The following CEP131 variants were observed in gnomAD, a reference collection of about 807,000 sequenced individuals.
CEP131 encodes centrosomal protein 131, also known as centrosomal protein of 131 kDa.
In CEP131, 99 loss-of-function variants were observed where a neutral mutation model predicts 136.8. The ratio of observed to expected loss-of-function variants is 0.72; its 90% CI spans 0.62 to 0.86. The LOEUF (loss-of-function observed/expected upper bound fraction) is 0.86. Among genes scored for constraint, CEP131 ranks in the 40% least tolerant of loss-of-function variants. The pLI is 0.00. For synonymous variants in CEP131, 646 were observed against 612.7 expected (o/e 1.05, Z -0.80); for missense variants, 1,459 against 1,463.0 (o/e 1.00, Z 0.04).
chr17:81,215,096 T>TTAATTA lies in CEP131; in HGVS notation c.177+4783_177+4784insTAATTA, dbSNP rs2062217636. ...CTGGCCAAAAATTTACAATTTAGTT[T>TTAATTA]TAATTTTAATTTTAAAAGATAGAGT... On this transcript the variant is annotated intron_variant, in intron 2 of 25. Coordinates refer to ENST00000450824, the MANE Select transcript of CEP131 (RefSeq NM_014984.4). The surrounding 1 kb of genome is among the most constrained non-coding windows in gnomAD (Gnocchi z 4.1). Among the ~76,000 whole-genome samples, 1 of 151,192 alleles carries TTAATTA rather than the reference T, an allele frequency of 6.6e-6. No homozygotes were observed. Among genetic ancestry groups the TTAATTA allele is most frequent in the Admixed American group, 6.6e-5 (1 of 15,134 alleles).
chr17:81,216,988 C>A (rs1413725580), intron 2 of CEP131, among the ~76,000 whole-genome samples: 1 of 152,244 alleles, frequency 6.6e-6, no homozygotes, highest in African/African-American at 2.4e-5. Flanking sequence ...AAGTCATGGA[C>A]TAAAAACCCT....
chr17:81,220,242 A>C (rs1266546319), intron 1 of CEP131, among the ~76,000 whole-genome samples, 169 bp from the exon 2 acceptor site: 1 of 152,172 alleles, frequency 6.6e-6, no homozygotes, highest in African/African-American at 2.4e-5. Flanking sequence ...CTCGACAGGA[A>C]CATGAGGGAG....
chr17:81,203,924 T>C lies in CEP131; in HGVS notation c.516-317A>G, dbSNP rs556464523. On this transcript the variant is annotated intron_variant, in intron 5 of 25. Transcript: ENST00000450824. The surrounding 1 kb of genome is among the most constrained non-coding windows in gnomAD (Gnocchi z 4.6). The stretch of plus-strand genomic sequence containing the variant: ...CTCACAATCAGCTTCCAGAGCAGAC[T>C]CACAGAAGCGAAGCCCCATCCCACA... 103 of 304,262 alleles carry C rather than the reference T, an allele frequency of 3.4e-4. No homozygotes were observed. In the South Asian group the frequency reaches 5.4e-3, roughly 16 times the overall value. 18.8% of individuals were successfully genotyped at this position (304,262 alleles called of 1,614,324 possible).
chr17:81,213,692 C>T, intron 2 of CEP131, among the ~76,000 whole-genome samples: 1 of 152,076 alleles, frequency 6.6e-6, no homozygotes, highest in East Asian at 1.9e-4. Flanking sequence ...GTGGGCTGAA[C>T]AAAGCGACTT....
Position 81,199,506 on chromosome 17 carries a change from G to GTGCTCGCCTT in CEP131, c.1057_1066dup (p.Thr356LysfsTer11). On this transcript the variant is annotated frameshift_variant, in exon 10 of 26. Coordinates refer to ENST00000450824, the MANE Select transcript of CEP131 (RefSeq NM_014984.4). LOFTEE classifies it high-confidence loss of function. ...ATTCTCAGGTGGCCCACGCTCGGCA[G>GTGCTCGCCTT]TGCTCGCCTTCTGGGCTCTCAGGGC... 6.2e-7 allele frequency: 1 copy of GTGCTCGCCTT among 1,608,846 alleles called. No homozygotes were observed. The highest frequency in any genetic ancestry group is 8.5e-7 in the Non-Finnish European group (1 of 1,178,202).
intron 2 of CEP131, among the ~76,000 whole-genome samples, chr17:81,210,129 C>CGCTCGGGAAAGTGGA (rs2062100188): frequency 6.6e-6 from 1 of 152,190 alleles, no homozygotes; most frequent in African/African-American, 2.4e-5. Context: ...GGGGAAGTGG[C>CGCTCGGGAAAGTGGA]GCTCGGGAAA....
intron 2 of CEP131, among the ~76,000 whole-genome samples, chr17:81,209,336 C>T (rs973179840): frequency 6.6e-6 from 1 of 152,250 alleles, no homozygotes; most frequent in Non-Finnish European, 1.5e-5. Context: ...CCAGGAACCG[C>T]GAGCTCCCAC....
rs371090378 is a variant in CEP131 at position 81,196,988 on chromosome 17, C to T, written c.1715G>A (p.Arg572Gln). The T allele has an allele frequency of 3.9e-5, 63 of 1,605,130 alleles. No individual in the cohort carries two copies. The East Asian group carries it at 4.9e-4, about 13-fold the overall frequency. Residue 572 changes from arginine to glutamine, a missense_variant, in exon 14 of 26, where the codon CGG becomes CAG. Physicochemically the swap from Arg to Gln is conservative, Grantham distance 43. This residue lies in a region of CEP131 where 1,026 missense variants were observed against 964.2 expected (regional missense o/e 1.06). Transcript: ENST00000450824. Reference sequence around the variant, plus strand: ...CTTCTCCTCCACCTCCAGCTTCAGCCGCATCACAGACGTGCTCACCTCGGA... The same window carrying T: ...CTTCTCCTCCACCTCCAGCTTCAGCTGCATCACAGACGTGCTCACCTCGGA... ...LGSEVSTSVMRLKLEVEEKKQ... is the reference protein window; with the variant it reads ...LGSEVSTSVMQLKLEVEEKKQ...
intron 2 of CEP131, among the ~76,000 whole-genome samples, chr17:81,210,300 G>A (rs1430918407): frequency 6.6e-6 from 1 of 152,142 alleles, no homozygotes; most frequent in South Asian, 2.1e-4. Flanking sequence ...CGCCGGGCGC[G>A]GTGGTTCACG....
At chr17:81,218,725 G>A (rs550657082) in intron 2 of CEP131, among the ~76,000 whole-genome samples, 96 of 152,316 alleles carry the variant, frequency 6.3e-4, no homozygotes, top group African/African-American at 1.9e-3. Flanking sequence ...TCGGCTAGCC[G>A]TCTGGCGGGC....
At chr17:81,207,843 T>C (rs1226973118) in intron 3 of CEP131, among the ~76,000 whole-genome samples, 3 of 18,424 alleles carry the variant, frequency 1.6e-4, no homozygotes, top group Non-Finnish European at 3.8e-4. Flanking sequence ...TCAGGTGGGA[T>C]CAAAACCGTG....
chr17:81,214,708 C>T (rs984287266), intron 2 of CEP131, among the ~76,000 whole-genome samples: 2 of 152,184 alleles, frequency 1.3e-5, no homozygotes, highest in African/African-American at 4.8e-5. Context: ...CCCCGTGGCA[C>T]CCTGTGATGC....
At position 81,190,950 on chromosome 17, in the gene CEP131, C is replaced by A; in HGVS notation, c.2900G>T (p.Gly967Val). 1 of 1,605,278 alleles carries A rather than the reference C, an allele frequency of 6.2e-7. No individual in the cohort carries two copies. The highest frequency in any genetic ancestry group is 8.5e-7 in the Non-Finnish European group (1 of 1,179,836). ...EAEGENLRLQ[G>V]LVRQKERALE... ...CGCCCGCTCCTTCTGCCGCACAAGG[C>A]CCTGCAGACGCAGATTCTCGCCCTC... The change falls in exon 23 of 26, where the codon GGC becomes GTC. Residue 967 changes from glycine (G) to valine (V), a missense_variant. Gly to Val is a moderately radical substitution (Grantham distance 109). This residue lies in a region of CEP131 where 1,026 missense variants were observed against 964.2 expected (regional missense o/e 1.06). Transcript: ENST00000450824.
At chr17:81,210,425 C>T (rs2062106628) in intron 2 of CEP131, among the ~76,000 whole-genome samples, 1 of 152,184 alleles carries the variant, frequency 6.6e-6, no homozygotes. Flanking sequence ...CAAAAATTAG[C>T]TGGGCATAGT....
At chr17:81,196,626 G>A in intron 15 of CEP131, 75 bp downstream of exon 15, 1 of 1,525,690 alleles carries the variant, frequency 6.6e-7, no homozygotes, top group Non-Finnish European at 8.8e-7. Flanking sequence ...CCCTGGCAGT[G>A]GGAAGCCCCT....
At chr17:81,214,906 G>A (rs996040051) in intron 2 of CEP131, among the ~76,000 whole-genome samples, 1 of 151,784 alleles carries the variant, frequency 6.6e-6, no homozygotes, top group East Asian at 1.9e-4. Context: ...CCGAGTAGCC[G>A]CGACTACAGG....
intron 2 of CEP131, among the ~76,000 whole-genome samples, chr17:81,209,529 G>T (rs1181655082): frequency 6.6e-6 from 1 of 152,174 alleles, no homozygotes; most frequent in Non-Finnish European, 1.5e-5. Context: ...CCGTGGAAAG[G>T]GGTGGAGGGG....
rs188415056 is a variant in CEP131, at chr17:81,203,860, G to A, written c.516-253C>T. ...GGGATAGAATCGAGGCATGAACGCT[G>A]GACGTGCCCAAGACGGGGGGAGCAG... On this transcript the variant is annotated intron_variant, in intron 5 of 25. Coordinates refer to ENST00000450824, the MANE Select transcript of CEP131 (RefSeq NM_014984.4). This position sits in a 1 kb window ranked among gnomAD's most constrained non-coding sequence, Gnocchi z 4.6. The A allele has an allele frequency of 3.1e-5, 15 of 477,726 alleles. No individual in the cohort carries two copies. The highest frequency in any genetic ancestry group is 2.9e-4 in the African/African-American group (15 of 51,024). The allele number at this position is 477,726 out of a possible 1,614,324, so 29.6% of individuals were successfully genotyped here. A position where few individuals can be genotyped will look rare whatever the true frequency, so the allele number is the denominator to read the frequency against.
chr17:81,203,343 C>G lies in CEP131; in HGVS notation c.629+151G>C, dbSNP rs1236862470. 1 of 632,154 alleles carries G rather than the reference C, an allele frequency of 1.6e-6. No homozygotes were observed. Among genetic ancestry groups the G allele is most frequent in the Non-Finnish European group, 2.8e-6 (1 of 362,326 alleles). 39.2% of individuals were successfully genotyped at this position (632,154 alleles called of 1,614,324 possible). A position where few individuals can be genotyped will look rare whatever the true frequency, so the allele number is the denominator to read the frequency against. On this transcript the variant is annotated intron_variant, in intron 6 of 25. Coordinates refer to ENST00000450824, the MANE Select transcript of CEP131 (RefSeq NM_014984.4). This position sits in a 1 kb window ranked among gnomAD's most constrained non-coding sequence, Gnocchi z 4.6. ...CCACGTGCCCTGACCGAGGTTGGAC[C>G]CCATGCACACTGACCGCATGCCCTG...
Sources: gnomAD v4.1 joint callset for allele counts (sites outside exome capture counted in the v4.1 genomes callset) on GRCh38, gnomAD v4.1.1 for gene constraint, gnomAD v4.1.1 regional missense constraint, Gnocchi (gnomAD v3.1) non-coding constraint, MANE v1.5 for transcripts, NCBI Gene and HGNC (gene_info 2026-07-23, HGNC 2026-07-21) for gene names.